The following BRIP1 variants were observed in gnomAD, a reference collection of about 807,000 sequenced individuals.
The protein encoded by BRIP1 is Fanconi anemia group J protein.
In BRIP1, 88 loss-of-function variants were observed where a neutral mutation model predicts 119.7. The ratio of observed to expected loss-of-function variants is 0.74; its 90% CI spans 0.62 to 0.88. The LOEUF (loss-of-function observed/expected upper bound fraction) is 0.88, where lower values mean the gene tolerates loss of function less well. BRIP1 is among the 40% of genes least tolerant of loss of function. The probability of loss-of-function intolerance (pLI) is 0.00; values close to 1 mark genes in which losing one functional copy is unlikely to be tolerated. For synonymous variants in BRIP1, 443 were observed against 496.5 expected (o/e 0.89, Z 1.43); for missense variants, 1,259 against 1,455.4 (o/e 0.87, Z 2.20).
rs2077399496 is a variant in BRIP1 at position 61,768,235 on chromosome 17, A to C, written c.2097+8166T>G. On this transcript the variant is annotated intron_variant, in intron 14 of 19. Transcript: ENST00000259008. This position sits in a 1 kb window ranked among gnomAD's most constrained non-coding sequence, Gnocchi z 5.0. ...AATAAATGTGAAGTAAAGTTATGAG[A>C]TTTCTCAGGAAGATCTTAAATATAA... Among the ~76,000 whole-genome samples the C allele has an allele frequency of 6.6e-6, 1 of 152,222 alleles. No individual in the cohort carries two copies. Among genetic ancestry groups the C allele is most frequent in the Non-Finnish European group, 1.5e-5 (1 of 68,042 alleles).
intron 16 of BRIP1, among the ~76,000 whole-genome samples, chr17:61,737,372 A>G (rs1396988306): frequency 1.3e-5 from 2 of 152,314 alleles, no homozygotes; most frequent in Admixed American, 1.3e-4. Flanking sequence ...CATATATCAC[A>G]TAGAAAAATT....
intron 3 of BRIP1, among the ~76,000 whole-genome samples, chr17:61,859,409 G>A (rs2078942603): frequency 6.6e-6 from 1 of 151,990 alleles, no homozygotes; most frequent in South Asian, 2.1e-4. Flanking sequence ...ACAGCTCTCT[G>A]CAACCTCGAC....
At chr17:61,781,102 G>T in intron 11 of BRIP1, 97 bp from the exon 12 acceptor site, 1 of 1,125,526 alleles carries the variant, frequency 8.9e-7, no homozygotes, top group Non-Finnish European at 1.3e-6. Flanking sequence ...AAACTCATTT[G>T]AAAGAGCTGG....
intron 6 of BRIP1, among the ~76,000 whole-genome samples, chr17:61,829,483 CTAAT>C (rs1167546625): frequency 1.4e-5 from 2 of 143,162 alleles, no homozygotes; most frequent in East Asian, 3.9e-4. Flanking sequence ...ACAGTATTCT[CTAAT>C]TAATTTATAA....
intron 16 of BRIP1, among the ~76,000 whole-genome samples, chr17:61,731,574 C>T (rs934641500): frequency 6.6e-6 from 1 of 152,216 alleles, no homozygotes; most frequent in Non-Finnish European, 1.5e-5. Context: ...CTGCTATCCT[C>T]TTTCAACCTT....
chr17:61,765,382 T>C (rs1420503404), intron 14 of BRIP1, among the ~76,000 whole-genome samples: 1 of 18,322 alleles, frequency 5.5e-5, no homozygotes, highest in African/African-American at 2.0e-4. Flanking sequence ...GTATATATTA[T>C]ATATATATAT....
intron 17 of BRIP1, among the ~76,000 whole-genome samples, chr17:61,711,351 C>T (rs527269108): frequency 7.2e-5 from 11 of 152,080 alleles, no homozygotes; most frequent in African/African-American, 2.7e-4. Flanking sequence ...TATATTCAAG[C>T]GCCCCTAGAA....
chr17:61,849,260 A>G lies in BRIP1; in HGVS notation c.380-4T>C, dbSNP rs1416727235. 2 of 1,607,862 alleles carry G rather than the reference A, an allele frequency of 1.2e-6. No homozygotes were observed. The highest frequency in any genetic ancestry group is 2.2e-5 in the South Asian group (2 of 89,406). On this transcript the variant is annotated splice_region_variant and splice_polypyrimidine_tract_variant and intron_variant, in intron 4 of 19. Transcript: ENST00000259008. ...AGAGTGGTTTTTTCAGGGGAGTCTTATATAAGTAATTTAAAAAAAACAGCA... is the reference window on the plus strand; with the variant it reads ...AGAGTGGTTTTTTCAGGGGAGTCTTGTATAAGTAATTTAAAAAAAACAGCA...
rs2078082954 is a variant in BRIP1 at position 61,806,939 on chromosome 17, C to T, written c.918+1528G>A. ...TCTCGAACTCCTGACCTCAAGTGCC[C>T]GCCTCTGCCTCCCAAAGTGCTGGGA... is the stretch of plus-strand genomic sequence containing the variant. On this transcript the variant is annotated intron_variant, in intron 7 of 19. Transcript: ENST00000259008. This position sits in a 1 kb window ranked among gnomAD's most constrained non-coding sequence, Gnocchi z 4.9. 6.6e-6 allele frequency among the ~76,000 whole-genome samples: 1 copy of T among 152,120 alleles called. No homozygotes were observed. The highest frequency in any genetic ancestry group is 2.4e-5 in the African/African-American group (1 of 41,416).
At position 61,832,454 on chromosome 17, in the gene BRIP1, C is replaced by T. The variant is rs2078507566; in HGVS notation, c.627+14647G>A. ...ATAACTGTAAAGTTATATTTTTTACCTAGCAGATATCATATTAATCAAGTT... is the reference window on the plus strand; with the variant it reads ...ATAACTGTAAAGTTATATTTTTTACTTAGCAGATATCATATTAATCAAGTT... On this transcript the variant is annotated intron_variant, in intron 6 of 19. Coordinates refer to ENST00000259008, the MANE Select transcript of BRIP1 (RefSeq NM_032043.3). This position sits in a 1 kb window ranked among gnomAD's most constrained non-coding sequence, Gnocchi z 5.5. Among the ~76,000 whole-genome samples, 1 of 151,996 alleles carries T rather than the reference C, an allele frequency of 6.6e-6. No individual in the cohort carries two copies. Among genetic ancestry groups the T allele is most frequent in the Non-Finnish European group, 1.5e-5 (1 of 67,998 alleles).
intron 6 of BRIP1, among the ~76,000 whole-genome samples, chr17:61,821,163 G>T (rs1352161194): frequency 6.6e-6 from 1 of 152,084 alleles, no homozygotes; most frequent in Non-Finnish European, 1.5e-5. Context: ...GAAGCTGAAG[G>T]GAAGCTACAG....
At position 61,773,103 on chromosome 17, in the gene BRIP1, A is replaced by C. The variant is rs549985825; in HGVS notation, c.2097+3298T>G. 5.9e-5 allele frequency among the ~76,000 whole-genome samples: 9 copies of C among 152,196 alleles called. No homozygotes were observed. In the South Asian group the frequency reaches 1.9e-3, roughly 32 times the overall value. On this transcript the variant is annotated intron_variant, in intron 14 of 19. Coordinates refer to ENST00000259008, the MANE Select transcript of BRIP1 (RefSeq NM_032043.3). ...AATGACAAACAACAAGGTTTTAATGATATGTATTATAAAGGATTACTATCC... is the reference window on the plus strand; with the variant it reads ...AATGACAAACAACAAGGTTTTAATGCTATGTATTATAAAGGATTACTATCC...
At position 61,806,650 on chromosome 17, in the gene BRIP1, C is replaced by T. The variant is rs899309255; in HGVS notation, c.918+1817G>A. On this transcript the variant is annotated intron_variant, in intron 7 of 19. Coordinates refer to ENST00000259008, the MANE Select transcript of BRIP1 (RefSeq NM_032043.3). The surrounding 1 kb of genome is among the most constrained non-coding windows in gnomAD (Gnocchi z 4.9). ...TGTCTGCCTTCAATACACAATCTTA[C>T]ACTTTATCATTGCTTTTACCAATGT... Among the ~76,000 whole-genome samples the T allele has an allele frequency of 6.6e-6, 1 of 151,988 alleles. No homozygotes were observed. Among genetic ancestry groups the T allele is most frequent in the Non-Finnish European group, 1.5e-5 (1 of 68,010 alleles).
intron 5 of BRIP1, among the ~76,000 whole-genome samples, chr17:61,847,837 T>C (rs1371056280): frequency 1.3e-5 from 2 of 152,214 alleles, no homozygotes; most frequent in African/African-American, 4.8e-5. Flanking sequence ...AGCATTTCTA[T>C]TGATAATCTC....
At chr17:61,714,879 G>A (rs2061835912) in intron 17 of BRIP1, among the ~76,000 whole-genome samples, 1 of 145,050 alleles carries the variant, frequency 6.9e-6, no homozygotes, top group Non-Finnish European at 1.5e-5. Flanking sequence ...TTGGCTCACT[G>A]CAACCCCCAC....
At position 61,844,075 on chromosome 17, in the gene BRIP1, CA is replaced by C. The variant is rs2078695078; in HGVS notation, c.627+3025del. ...AGTAGCTAGGACTACAAGTACACAC[CA>C]CCACACACAGCTATTTTTTTTCTTC... On this transcript the variant is annotated intron_variant, in intron 6 of 19. Transcript: ENST00000259008. The surrounding 1 kb of genome is among the most constrained non-coding windows in gnomAD (Gnocchi z 4.7). Among the ~76,000 whole-genome samples, 1 of 151,868 alleles carries C rather than the reference CA, an allele frequency of 6.6e-6. No homozygotes were observed. Among genetic ancestry groups the C allele is most frequent in the African/African-American group, 2.4e-5 (1 of 41,354 alleles).
At chr17:61,787,185 T>TATAAAAC in intron 10 of BRIP1, among the ~76,000 whole-genome samples, 1 of 88,916 alleles carries the variant, frequency 1.1e-5, no homozygotes. Flanking sequence ...TATAAAAATA[T>TATAAAAC]ATTATATACT....
rs116790823 is a variant in BRIP1, at chr17:61,779,731, G to T, written c.1935+530C>A. On this transcript the variant is annotated intron_variant, in intron 13 of 19. Coordinates refer to ENST00000259008, the MANE Select transcript of BRIP1 (RefSeq NM_032043.3). ...AACACTTTGGGAGGCTGAGGCAAGT[G>T]CATCATTTGAGGGCAGGAGTTCAAG... Among the ~76,000 whole-genome samples, 362 of 152,250 alleles carry T rather than the reference G, an allele frequency of 2.4e-3. 1 individual carries two copies. The highest frequency in any genetic ancestry group is 0.017 in the Middle Eastern group (5 of 294).
chr17:61,699,419 C>G lies in BRIP1; in HGVS notation c.2493-5907G>C, dbSNP rs1219402479. Reference sequence around the variant, plus strand: ...CACTTTCCAGTATATAATTTTAATTCTCTTGTCATTTACATTACTATATTT... The same window carrying G: ...CACTTTCCAGTATATAATTTTAATTGTCTTGTCATTTACATTACTATATTT... On this transcript the variant is annotated intron_variant, in intron 17 of 19. Transcript: ENST00000259008. The surrounding 1 kb of genome is among the most constrained non-coding windows in gnomAD (Gnocchi z 4.8). 6.6e-6 allele frequency among the ~76,000 whole-genome samples: 1 copy of G among 152,072 alleles called. No individual in the cohort carries two copies. The highest frequency in any genetic ancestry group is 1.5e-5 in the Non-Finnish European group (1 of 68,004).
Sources: gnomAD v4.1 joint callset for allele counts (sites outside exome capture counted in the v4.1 genomes callset) on GRCh38, gnomAD v4.1.1 for gene constraint, Gnocchi (gnomAD v3.1) non-coding constraint, MANE v1.5 for transcripts, NCBI Gene and HGNC (gene_info 2026-07-23, HGNC 2026-07-21) for gene names.